Variants in TMEM175 observed in about 807,000 individuals in gnomAD.
TMEM175 encodes transmembrane protein 175, also known as endosomal/lysosomal proton channel TMEM175.
In TMEM175, 36 loss-of-function variants were observed where a neutral mutation model predicts 36.5. The ratio of observed to expected loss-of-function variants is 0.99; its 90% CI spans 0.76 to 1.30. TMEM175 has a LOEUF of 1.30. TMEM175 is among the 50% of genes most tolerant of loss of function. The probability of loss-of-function intolerance (pLI) is 0.00; values close to 1 mark genes in which losing one functional copy is unlikely to be tolerated. For missense variants in TMEM175, 705 were observed against 692.8 expected, an observed-to-expected ratio of 1.02 and a Z score of -0.20; for synonymous variants, 339 against 313.4, an observed-to-expected ratio of 1.08 and a Z score of -0.86.
chr4:934,068 A>G (rs572722169), intron 1 of TMEM175, among the ~76,000 whole-genome samples: 4 of 152,388 alleles, frequency 2.6e-5, no homozygotes, highest in Non-Finnish European at 5.9e-5. Context: ...GGCCAGGGCC[A>G]ACAAGTGATA....
At chr4:956,582 A>T (rs755192181) in intron 10 of TMEM175, 2 of 725,326 alleles carry the variant, frequency 2.8e-6, no homozygotes, top group South Asian at 3.3e-5. Context: ...AGTTGGGATT[A>T]CAAGCACCCA....
In TMEM175 at chr4:958,458, G is replaced by C. The variant is rs764735359; in HGVS notation, c.1477G>C (p.Asp493His). ...EHPPPAPTGQDDPQSQLLPAP... is the reference protein window; with the variant it reads ...EHPPPAPTGQHDPQSQLLPAP... ...CCCCCCGCCAGCCCCCACGGGCCAG[G>C]ACGACCCACAGTCCCAGCTCCTCCC... Residue 493 changes from aspartate (D) to histidine (H), a missense_variant, in exon 11 of 11, where the codon GAC becomes CAC. Physicochemically the swap from Asp to His is moderately conservative, Grantham distance 81. Coordinates refer to ENST00000264771, the MANE Select transcript of TMEM175 (RefSeq NM_032326.4). The C allele has an allele frequency of 6.3e-7, 1 of 1,577,282 alleles. No homozygotes were observed. Among genetic ancestry groups the C allele is most frequent in the South Asian group, 1.1e-5 (1 of 88,400 alleles).
intron 10 of TMEM175, among the ~76,000 whole-genome samples, chr4:957,114 C>G (rs1251928571): frequency 2.0e-5 from 3 of 152,224 alleles, no homozygotes; most frequent in African/African-American, 7.2e-5. Flanking sequence ...GGAGCTGCCC[C>G]CTCCCAGCAA....
intron 10 of TMEM175, 32 bp from the exon 11 acceptor site, chr4:957,792 C>A (rs1380490742): frequency 1.3e-6 from 2 of 1,565,152 alleles, no homozygotes; most frequent in East Asian, 2.3e-5. Flanking sequence ...CACGGCAAGG[C>A]CGGCACAAAT....
rs1728418526 is a variant in TMEM175 at position 948,112 on chromosome 4, T to G, written c.154-4T>G. 1 of 1,613,974 alleles carries G rather than the reference T, an allele frequency of 6.2e-7. No individual in the cohort carries two copies. Among genetic ancestry groups the G allele is most frequent in the Non-Finnish European group, 8.5e-7 (1 of 1,180,026 alleles). On this transcript the variant is annotated splice_polypyrimidine_tract_variant and splice_region_variant and intron_variant, in intron 2 of 10. Coordinates refer to ENST00000264771, the MANE Select transcript of TMEM175 (RefSeq NM_032326.4). ...TGCTTCCTTCTGTCTCTTTGCCCCC[T>G]CAGATCCTGCCTGTGACCCACACGG... is the stretch of plus-strand genomic sequence containing the variant.
At chr4:952,249 C>A in intron 6 of TMEM175, 118 bp from the exon 7 acceptor site, 1 of 887,878 alleles carries the variant, frequency 1.1e-6, no homozygotes, top group Non-Finnish European at 1.8e-6. Flanking sequence ...CCTGTGATGG[C>A]CCCACCGCAT....
intron 4 of TMEM175, 129 bp from the exon 5 acceptor site, chr4:951,078 T>G: frequency 1.1e-6 from 1 of 905,906 alleles, no homozygotes; most frequent in Non-Finnish European, 1.8e-6. Context: ...CACTAGGTAG[T>G]AGTTTATATT....
rs775151307 is a variant in TMEM175 at position 952,336 on chromosome 4, G to C, written c.379-31G>C. 21 of 1,597,926 alleles carry C rather than the reference G, an allele frequency of 1.3e-5. 1 individual carries two copies. The highest frequency in any genetic ancestry group is 1.1e-4 in the African/African-American group (8 of 74,698). On this transcript the variant is annotated intron_variant, in intron 6 of 10. Coordinates refer to ENST00000264771, the MANE Select transcript of TMEM175 (RefSeq NM_032326.4). Reference sequence around the variant, plus strand: ...CTGGGGCCTGGTAACCTAGGATTTGGGGGGGTTTGGTTTTGTTTTTGTTTT... The same window carrying C: ...CTGGGGCCTGGTAACCTAGGATTTGCGGGGGTTTGGTTTTGTTTTTGTTTT...
intron 5 of TMEM175, 90 bp downstream of exon 5, chr4:951,348 C>G: frequency 2.8e-6 from 4 of 1,439,856 alleles, no homozygotes. Context: ...CGGCCTCTCT[C>G]GTGACCTCCA....
In TMEM175 at chr4:955,766, C is replaced by T. The variant is rs555645036; in HGVS notation, c.718C>T (p.Pro240Ser). The stretch of plus-strand genomic sequence containing the variant: ...TGGCGTGTCCCCAGGCCACAGGGAG[C>T]CCTCGGCTCACCCAGTGGAAGTCTT... ...CRDRLLGHRE[P>S]SAHPVEVFSF... The change falls in exon 10 of 11, where the codon CCC (proline) becomes TCC (serine). Residue 240 changes from proline (P) to serine (S), a missense_variant. By Grantham distance (74) the Pro-to-Ser change is moderately conservative. Transcript: ENST00000264771. The T allele has an allele frequency of 4.2e-5, 68 of 1,613,398 alleles. No homozygotes were observed. In the East Asian group the frequency reaches 7.4e-4, roughly 17 times the overall value.
At chr4:935,382 T>A (rs932044493) in intron 1 of TMEM175, among the ~76,000 whole-genome samples, 1 of 152,230 alleles carries the variant, frequency 6.6e-6, no homozygotes, top group Non-Finnish European at 1.5e-5. Flanking sequence ...TCTTAATCCC[T>A]ATAACTGATT....
rs942396753 is a variant in TMEM175, at chr4:952,034, C to T, written c.378+317C>T. 1.0e-5 allele frequency: 6 copies of T among 584,468 alleles called. No homozygotes were observed. The African/African-American group carries it at 1.1e-4, about 11-fold the overall frequency. 36.2% of individuals were successfully genotyped at this position (584,468 alleles called of 1,614,324 possible). ...ACAGCCTCCGACCACCCGCCCTGTA[C>T]TACTCAGGCTGTGAAAGTGCCTCCA... is the stretch of plus-strand genomic sequence containing the variant. On this transcript the variant is annotated intron_variant, in intron 6 of 10. Coordinates refer to ENST00000264771, the MANE Select transcript of TMEM175 (RefSeq NM_032326.4).
At chr4:944,363 G>C (rs574084070) in intron 1 of TMEM175, among the ~76,000 whole-genome samples, 1 of 152,302 alleles carries the variant, frequency 6.6e-6, no homozygotes, top group Non-Finnish European at 1.5e-5. Context: ...GCTGGAGCTT[G>C]GGGTTGGGGA....
At chr4:953,641 C>T (rs1729247931) in intron 8 of TMEM175, among the ~76,000 whole-genome samples, 1 of 152,220 alleles carries the variant, frequency 6.6e-6, no homozygotes, top group Non-Finnish European at 1.5e-5. Flanking sequence ...TGACGATGAC[C>T]AGAAACAGCG....
intron 1 of TMEM175, among the ~76,000 whole-genome samples, chr4:938,167 C>T (rs1317121774): frequency 6.6e-6 from 1 of 152,196 alleles, no homozygotes; most frequent in Admixed American, 6.5e-5. Context: ...CACTTCTATT[C>T]AGCATTGTAC....
In TMEM175 at chr4:953,291, C is replaced by T. The variant is rs1198543742; in HGVS notation, c.564C>T (p.Ile188=). 9.3e-6 allele frequency: 15 copies of T among 1,613,986 alleles called. No homozygotes were observed. The East Asian group carries it at 1.1e-4, about 12-fold the overall frequency. The change falls in exon 8 of 11, where the codon ATC becomes ATT. Residue 188 remains isoleucine (I), a synonymous_variant. Coordinates refer to ENST00000264771, the MANE Select transcript of TMEM175 (RefSeq NM_032326.4). ...TGTACCGACGACACGTCCTGGGCAT[C>T]GTCCTCCAAGGCCCGGCCCTGTGCT... ...RALYRRHVLG[I]VLQGPALCFA... is the part of the protein sequence containing the mutation.
At chr4:953,905 G>A (rs535594140) in intron 8 of TMEM175, among the ~76,000 whole-genome samples, 2 of 152,252 alleles carry the variant, frequency 1.3e-5, no homozygotes, top group South Asian at 4.1e-4. Context: ...AGGTTAGTCT[G>A]GAATGCCTGG....
Position 936,306 on chromosome 4 carries a change from C to CAA in TMEM175, c.-32+3779_-32+3780dup, listed in dbSNP as rs1199438338. Among the ~76,000 whole-genome samples, 125 of 86,050 alleles carry CAA rather than the reference C, an allele frequency of 1.5e-3. 1 individual carries two copies. The highest frequency in any genetic ancestry group is 4.2e-3 in the African/African-American group (98 of 23,260). 56.5% of individuals were successfully genotyped at this position (86,050 alleles called of 152,430 possible). A position where few individuals can be genotyped will look rare whatever the true frequency, so the allele number is the denominator to read the frequency against. On this transcript the variant is annotated intron_variant, in intron 1 of 10. Coordinates refer to ENST00000264771, the MANE Select transcript of TMEM175 (RefSeq NM_032326.4). ...ATTGCAGTGAGCTGAGACTCTGTCA[C>CAA]AAAAAAAAAAAAAAGGAAACTAGAA...
At chr4:934,532 C>T (rs966462330) in intron 1 of TMEM175, among the ~76,000 whole-genome samples, 5 of 152,026 alleles carry the variant, frequency 3.3e-5, no homozygotes, top group Admixed American at 2.0e-4. Flanking sequence ...TACATATTAC[C>T]GTAGAGGGAT....
Sources: gnomAD v4.1 joint callset for allele counts (sites outside exome capture counted in the v4.1 genomes callset) on GRCh38, gnomAD v4.1.1 for gene constraint, MANE v1.5 for transcripts, NCBI Gene and HGNC (gene_info 2026-07-23, HGNC 2026-07-21) for gene names.